Variants in FAT3 observed in about 807,000 individuals in gnomAD.
FAT3 encodes the protein FAT atypical cadherin 3.
FAT3 carries 95 observed loss-of-function variants against 310.2 expected under a neutral mutation model. That is an observed-to-expected ratio of 0.31 (90% CI 0.26 to 0.36). FAT3 has a LOEUF of 0.36. Ranked by LOEUF, FAT3 falls within the 10% of genes least tolerant of loss-of-function variation. The probability of loss-of-function intolerance (pLI) is 1.00; values close to 1 mark genes in which losing one functional copy is unlikely to be tolerated. For synonymous variants in FAT3, 2,314 were observed against 2,192.9 expected (o/e 1.06, Z -1.54); for missense variants, 5,408 against 5,715.6 (o/e 0.95, Z 1.74).
rs1948621254 is a variant in FAT3, at chr11:92,844,143, G to A, written c.10776G>A (p.Gln3592=). The A allele has an allele frequency of 2.5e-6, 4 of 1,614,030 alleles. No homozygotes were observed. The highest frequency in any genetic ancestry group is 3.4e-6 in the Non-Finnish European group (4 of 1,179,904). Residue 3592 remains glutamine (Q), a synonymous_variant, in exon 19 of 28, where the codon CAG becomes CAA. Transcript: ENST00000525166. ...TCACATTTGCCCTGAAATCGGAGCAGAAAAGCTTATTTAAAGTGAACAGTC... is the reference window on the plus strand; with the variant it reads ...TCACATTTGCCCTGAAATCGGAGCAAAAAAGCTTATTTAAAGTGAACAGTC... ...DVLTFALKSE[Q]KSLFKVNSHD... is the part of the protein sequence containing the mutation.
chr11:92,363,100 G>A lies in FAT3; in HGVS notation c.3292+7696G>A, dbSNP rs570654945. ...CTTTCAAGCTCTCAAACATTGTGAT[G>A]CTGTACTTTGATCTTCTAGAGGGAG... On this transcript the variant is annotated intron_variant, in intron 2 of 27. Coordinates refer to ENST00000525166, the MANE Select transcript of FAT3 (RefSeq NM_001367949.2). 8.3e-4 allele frequency among the ~76,000 whole-genome samples: 127 copies of A among 152,340 alleles called. 1 individual carries two copies. The South Asian group carries it at 0.018, about 22-fold the overall frequency.
intron 3 of FAT3, among the ~76,000 whole-genome samples, chr11:92,529,949 T>C (rs1405311232): frequency 3.3e-5 from 5 of 152,218 alleles, no homozygotes; most frequent in African/African-American, 7.2e-5. Flanking sequence ...ACCCCCACTT[T>C]AGGCGACTTA....
intron 2 of FAT3, among the ~76,000 whole-genome samples, chr11:92,364,726 G>T (rs942847921): frequency 1.3e-5 from 2 of 152,144 alleles, no homozygotes; most frequent in Non-Finnish European, 1.5e-5. Flanking sequence ...TAAATTCTGG[G>T]CATTGGTATA....
chr11:92,370,396 G>A (rs1411634805), intron 2 of FAT3, among the ~76,000 whole-genome samples: 4 of 152,126 alleles, frequency 2.6e-5, no homozygotes, highest in Non-Finnish European at 5.9e-5. Flanking sequence ...TTGTGAATGG[G>A]GCTGTGAAGA....
intron 4 of FAT3, among the ~76,000 whole-genome samples, chr11:92,707,463 T>C (rs555439085): frequency 6.6e-6 from 1 of 152,324 alleles, no homozygotes; most frequent in East Asian, 1.9e-4. Context: ...AGCCTCAACC[T>C]CTGGCTGAGT....
chr11:92,633,320 T>G (rs1250635987), intron 3 of FAT3, among the ~76,000 whole-genome samples: 3 of 152,214 alleles, frequency 2.0e-5, no homozygotes, highest in African/African-American at 7.2e-5. Context: ...TTTTTTTATC[T>G]GATGGATGTC....
At chr11:92,233,356 A>G (rs1174187674) in intron 1 of FAT3, among the ~76,000 whole-genome samples, 5 of 152,260 alleles carry the variant, frequency 3.3e-5, no homozygotes, top group Admixed American at 2.0e-4. Context: ...ATAGCAGATC[A>G]TTCACAGTCT....
intron 3 of FAT3, among the ~76,000 whole-genome samples, chr11:92,647,483 A>G (rs934556993): frequency 6.6e-6 from 1 of 152,176 alleles, no homozygotes; most frequent in Non-Finnish European, 1.5e-5. Flanking sequence ...TCAATATTAC[A>G]TAGTATTTTA....
intron 4 of FAT3, among the ~76,000 whole-genome samples, chr11:92,751,024 AG>A (rs1945814202): frequency 6.6e-6 from 1 of 152,182 alleles, no homozygotes; most frequent in African/African-American, 2.4e-5. Flanking sequence ...GGCAGGATAG[AG>A]CAGCCAAAGC....
chr11:92,317,407 G>C (rs544921088), intron 1 of FAT3, among the ~76,000 whole-genome samples: 1 of 152,178 alleles, frequency 6.6e-6, no homozygotes, highest in Non-Finnish European at 1.5e-5. Context: ...TCAGAAAGGG[G>C]GATTGGCTAA....
At chr11:92,486,635 C>T (rs538931765) in intron 2 of FAT3, among the ~76,000 whole-genome samples, 9 of 152,240 alleles carry the variant, frequency 5.9e-5, no homozygotes, top group Admixed American at 1.3e-4. Flanking sequence ...GAATTAGTTA[C>T]TGCAATAAAT....
chr11:92,613,401 TAA>T (rs34868818), intron 3 of FAT3, among the ~76,000 whole-genome samples: 28 of 32,330 alleles, frequency 8.7e-4, no homozygotes, highest in African/African-American at 8.3e-3. Flanking sequence ...ATATTTTTTT[TAA>T]AAAAAACTAA....
At chr11:92,427,648 T>A (rs1950665764) in intron 2 of FAT3, among the ~76,000 whole-genome samples, 1 of 152,192 alleles carries the variant, frequency 6.6e-6, no homozygotes, top group Admixed American at 6.5e-5. Context: ...TGTCTTTGGT[T>A]CTGTTTATGT....
At chr11:92,505,845 G>A (rs1349170515) in intron 2 of FAT3, among the ~76,000 whole-genome samples, 3 of 152,098 alleles carry the variant, frequency 2.0e-5, no homozygotes, top group African/African-American at 4.8e-5. Context: ...TTTATTGTTC[G>A]TGTACTATGT....
chr11:92,258,787 G>T (rs1591018171), intron 1 of FAT3, among the ~76,000 whole-genome samples: 1 of 152,084 alleles, frequency 6.6e-6, no homozygotes, highest in African/African-American at 2.4e-5. Context: ...TAGAGAAAGA[G>T]ATGCAGTAGA....
intron 7 of FAT3, among the ~76,000 whole-genome samples, chr11:92,784,574 A>G (rs1219712383): frequency 3.3e-5 from 5 of 152,214 alleles, no homozygotes; most frequent in African/African-American, 1.2e-4. Flanking sequence ...CCAGCTCTGA[A>G]GAGATTTCCT....
intron 13 of FAT3, 124 bp downstream of exon 13, chr11:92,810,200 A>G (rs1424672997): frequency 1.3e-6 from 1 of 796,180 alleles, no homozygotes; most frequent in East Asian, 2.7e-5. Flanking sequence ...GAACATGTAC[A>G]TTAAACCCCA....
At chr11:92,617,470 C>G (rs993138092) in intron 3 of FAT3, among the ~76,000 whole-genome samples, 3 of 152,150 alleles carry the variant, frequency 2.0e-5, no homozygotes, top group Non-Finnish European at 4.4e-5. Flanking sequence ...TCGTCTGAAG[C>G]CTTCTTCTCT....
chr11:92,691,270 C>T (rs757951353), intron 3 of FAT3, among the ~76,000 whole-genome samples: 1 of 152,110 alleles, frequency 6.6e-6, no homozygotes, highest in Admixed American at 6.5e-5. Context: ...TTGACAGAGC[C>T]GATTCTGGTA....
Sources: allele counts gnomAD v4.1 joint callset (sites outside exome capture counted in the v4.1 genomes callset), GRCh38; gene constraint gnomAD v4.1.1; transcripts MANE v1.5; gene names NCBI Gene and HGNC (gene_info 2026-07-23, HGNC 2026-07-21).